The following ZNF385B variants were observed in gnomAD, a reference collection of about 807,000 sequenced individuals.
ZNF385B encodes zinc finger protein 385B, also known as zinc finger protein 533.
A neutral mutation model predicts 39.2 loss-of-function variants in ZNF385B; 23 were observed. That is an observed-to-expected ratio of 0.59 (90% CI 0.42 to 0.83). The LOEUF is 0.83. ZNF385B is among the 40% of genes least tolerant of loss of function. The pLI is 0.00. For synonymous variants in ZNF385B, 205 were observed against 222.6 expected (o/e 0.92, Z 0.70); for missense variants, 552 against 598.9 (o/e 0.92, Z 0.82).
At chr2:179,628,904 AC>A (rs1690923675) in intron 3 of ZNF385B, among the ~76,000 whole-genome samples, 1 of 152,184 alleles carries the variant, frequency 6.6e-6, no homozygotes, top group Admixed American at 6.5e-5. Flanking sequence ...ATGAATTTAT[AC>A]CCTCATATCC....
intron 1 of ZNF385B, among the ~76,000 whole-genome samples, chr2:179,786,457 A>T (rs1372842048): frequency 6.6e-6 from 1 of 152,116 alleles, no homozygotes; most frequent in African/African-American, 2.4e-5. Context: ...GTTCAACATC[A>T]TAAGAACAAC....
chr2:179,838,719 A>AT (rs1207242153), intron 1 of ZNF385B, among the ~76,000 whole-genome samples: 29 of 152,166 alleles, frequency 1.9e-4, no homozygotes, highest in Admixed American at 2.0e-4. Flanking sequence ...AGAATACTGG[A>AT]AGCTTCATGA....
At chr2:179,754,825 CTTCTT>C (rs763395440) in intron 3 of ZNF385B, among the ~76,000 whole-genome samples, 1 of 151,974 alleles carries the variant, frequency 6.6e-6, no homozygotes, top group Non-Finnish European at 1.5e-5. Context: ...TCTCTCTTTT[CTTCTT>C]TATTAGTCTT....
intron 3 of ZNF385B, among the ~76,000 whole-genome samples, chr2:179,646,221 C>A: frequency 6.6e-6 from 1 of 152,152 alleles, no homozygotes; most frequent in East Asian, 1.9e-4. Flanking sequence ...TCAAGACCAG[C>A]CTGGCCAACA....
chr2:179,794,072 T>C (rs568515996), intron 1 of ZNF385B, among the ~76,000 whole-genome samples: 4 of 152,350 alleles, frequency 2.6e-5, no homozygotes, highest in East Asian at 1.9e-4. Flanking sequence ...GTATCCATTA[T>C]GCCTTTCTGT....
At chr2:179,762,324 G>C (rs551194262) in intron 3 of ZNF385B, among the ~76,000 whole-genome samples, 10 of 152,124 alleles carry the variant, frequency 6.6e-5, no homozygotes, top group African/African-American at 2.2e-4. Flanking sequence ...TGAGTAGCTG[G>C]GATTACAGGC....
intron 3 of ZNF385B, among the ~76,000 whole-genome samples, chr2:179,668,417 C>T (rs888932916): frequency 1.3e-5 from 2 of 152,188 alleles, no homozygotes; most frequent in African/African-American, 4.8e-5. Flanking sequence ...TTTTTAGCTA[C>T]TTCTTCCAGT....
chr2:179,613,758 A>C (rs1689488943), intron 3 of ZNF385B, among the ~76,000 whole-genome samples: 1 of 152,036 alleles, frequency 6.6e-6, no homozygotes, highest in South Asian at 2.1e-4. Context: ...TGGCCAACCC[A>C]GCTCATTCCT....
chr2:179,755,913 G>C (rs1225510309), intron 3 of ZNF385B, among the ~76,000 whole-genome samples: 1 of 152,102 alleles, frequency 6.6e-6, no homozygotes, highest in East Asian at 1.9e-4. Context: ...CTTTTAATTG[G>C]AGCATTTAGC....
Position 179,504,446 on chromosome 2 carries a change from C to T in ZNF385B, c.552+14082G>A, listed in dbSNP as rs539999004. Reference sequence around the variant, plus strand: ...TTCTAGTTCTAGATCCCTGAGGAATCGCCACACTGACTTCCACAATGGTTG... The same window carrying T: ...TTCTAGTTCTAGATCCCTGAGGAATTGCCACACTGACTTCCACAATGGTTG... On this transcript the variant is annotated intron_variant, in intron 5 of 9. Transcript: ENST00000410066. Among the ~76,000 whole-genome samples the T allele has an allele frequency of 9.2e-5, 14 of 152,208 alleles. 1 individual carries two copies. In the South Asian group the frequency reaches 2.5e-3, roughly 27 times the overall value.
At position 179,707,273 on chromosome 2, in the gene ZNF385B, G is replaced by A. The variant is rs562570156; in HGVS notation, c.298+62230C>T. On this transcript the variant is annotated intron_variant, in intron 3 of 9. Transcript: ENST00000410066. The stretch of plus-strand genomic sequence containing the variant: ...GTGGCTTCTCCATCTATGGGACATG[G>A]GGGCGGAGAGTATTATACTCTCCAG... Among the ~76,000 whole-genome samples the A allele has an allele frequency of 2.6e-5, 4 of 152,272 alleles. No individual in the cohort carries two copies. In the South Asian group the frequency reaches 8.3e-4, roughly 32 times the overall value.
At chr2:179,812,151 C>T (rs372413338) in intron 1 of ZNF385B, among the ~76,000 whole-genome samples, 7 of 151,940 alleles carry the variant, frequency 4.6e-5, no homozygotes, top group Non-Finnish European at 7.4e-5. Context: ...CAGGTGCAGG[C>T]GGGGTTGCAG....
chr2:179,664,309 T>C (rs1040155501), intron 3 of ZNF385B, among the ~76,000 whole-genome samples: 5 of 152,196 alleles, frequency 3.3e-5, no homozygotes, highest in Non-Finnish European at 7.4e-5. Flanking sequence ...TGCATTCATT[T>C]TAATACTTAG....
In ZNF385B at chr2:179,466,973, G is replaced by A. The variant is rs562254794; in HGVS notation, c.715+16299C>T. ...AGAGAGAAAGGGAAGGGAAGGGAAA[G>A]GGAGGGGAGGGGAAGGGAGGGAAGA... On this transcript the variant is annotated intron_variant, in intron 6 of 9. Coordinates refer to ENST00000410066, the MANE Select transcript of ZNF385B (RefSeq NM_152520.6). Among the ~76,000 whole-genome samples the A allele has an allele frequency of 2.7e-5, 4 of 147,204 alleles. No individual in the cohort carries two copies. In the East Asian group the frequency reaches 8.0e-4, roughly 30 times the overall value.
intron 1 of ZNF385B, among the ~76,000 whole-genome samples, chr2:179,827,769 T>C (rs1707759333): frequency 6.6e-6 from 1 of 152,116 alleles, no homozygotes; most frequent in Admixed American, 6.5e-5. Context: ...GCAAACATCA[T>C]AGAACCTATG....
At chr2:179,854,482 A>G (rs973275576) in intron 1 of ZNF385B, among the ~76,000 whole-genome samples, 2 of 152,126 alleles carry the variant, frequency 1.3e-5, no homozygotes, top group Non-Finnish European at 2.9e-5. Flanking sequence ...AAAAAAGGCA[A>G]AAACTGTAAC....
chr2:179,790,565 A>C (rs1705264777), intron 1 of ZNF385B, among the ~76,000 whole-genome samples: 1 of 152,204 alleles, frequency 6.6e-6, no homozygotes, highest in African/African-American at 2.4e-5. Context: ...GTAGTTATCC[A>C]ATAGTGTCTC....
intron 3 of ZNF385B, among the ~76,000 whole-genome samples, chr2:179,716,712 G>A (rs1309065554): frequency 6.6e-6 from 1 of 152,112 alleles, no homozygotes; most frequent in African/African-American, 2.4e-5. Context: ...ATGTCTTTCT[G>A]AGGCTAGGTC....
intron 5 of ZNF385B, among the ~76,000 whole-genome samples, chr2:179,487,865 A>T (rs540398394): frequency 5.3e-5 from 8 of 152,322 alleles, no homozygotes; most frequent in African/African-American, 1.9e-4. Context: ...ATCAGCATAT[A>T]GGTTCTTCTC....
Sources: allele counts gnomAD v4.1 joint callset (sites outside exome capture counted in the v4.1 genomes callset), GRCh38; gene constraint gnomAD v4.1.1; transcripts MANE v1.5; gene names NCBI Gene and HGNC (gene_info 2026-07-23, HGNC 2026-07-21).